The following HTT variants were observed in gnomAD, a reference collection of about 807,000 sequenced individuals.
The protein encoded by HTT is huntington disease protein.
In HTT, 104 loss-of-function variants were observed where a neutral mutation model predicts 362.3. That is an observed-to-expected ratio of 0.29 (90% CI 0.24 to 0.34). The LOEUF is 0.34. HTT is among the 10% of genes least tolerant of loss of function. The pLI, the probability that HTT is intolerant of heterozygous loss-of-function variation, is 1.00. For synonymous variants in HTT, 1,577 were observed against 1,548.7 expected (o/e 1.02, Z -0.43); for missense variants, 3,301 against 3,928.6 (o/e 0.84, Z 4.27).
Position 3,182,585 on chromosome 4 carries a change from C to T in HTT, c.4866+115C>T. 14 of 703,690 alleles carry T rather than the reference C, an allele frequency of 2.0e-5. No individual in the cohort carries two copies. In the South Asian group the frequency reaches 2.3e-4, roughly 12 times the overall value. 43.6% of individuals were successfully genotyped at this position (703,690 alleles called of 1,614,324 possible). A position where few individuals can be genotyped will look rare whatever the true frequency, so the allele number is the denominator to read the frequency against. ...TCAGTCCTAATCTGTGCCTTGATAGCAGTTCTCCGTGCTAGTCATGGGACA... is the reference window on the plus strand; with the variant it reads ...TCAGTCCTAATCTGTGCCTTGATAGTAGTTCTCCGTGCTAGTCATGGGACA... On this transcript the variant is annotated intron_variant, in intron 37 of 66. Transcript: ENST00000355072.
At chr4:3,235,833 AG>A in intron 63 of HTT, 55 bp downstream of exon 63, 1 of 1,380,664 alleles carries the variant, frequency 7.2e-7, no homozygotes, top group Non-Finnish European at 1.0e-6. Context: ...CAAGGGAGGC[AG>A]GAGCATGCTC....
chr4:3,098,082 A>G (rs1048682741), intron 2 of HTT, among the ~76,000 whole-genome samples: 10 of 152,236 alleles, frequency 6.6e-5, no homozygotes, highest in African/African-American at 2.4e-4. Context: ...TTGATGCGTC[A>G]GCTAGGAAAT....
At chr4:3,093,905 G>GTTTTTTTTTTTTTTTTTTTTTTTT (rs67455911) in intron 2 of HTT, among the ~76,000 whole-genome samples, 6 of 23,900 alleles carry the variant, frequency 2.5e-4, no homozygotes, top group African/African-American at 4.5e-4. Flanking sequence ...CTTTAAGTTG[G>GTTTTTTTTTTTTTTTTTTTTTTTT]TTTTTTTTTT....
intron 60 of HTT, among the ~76,000 whole-genome samples, chr4:3,230,464 G>A (rs1472175026): frequency 6.6e-6 from 1 of 152,196 alleles, no homozygotes; most frequent in African/African-American, 2.4e-5. Context: ...TTCCTGGCTG[G>A]ACAGCTTCTC....
In HTT at chr4:3,121,445, C is replaced by G. The variant is rs781352083; in HGVS notation, c.1273+13C>G. On this transcript the variant is annotated intron_variant, in intron 9 of 66. Transcript: ENST00000355072. ...GTGGAACTTATAGGCAAGTTATTAG[C>G]AAGGTCTACTCTTACAATTAACTTT... 6.4e-7 allele frequency: 1 copy of G among 1,572,750 alleles called. No homozygotes were observed. The highest frequency in any genetic ancestry group is 1.7e-5 in the Admixed American group (1 of 59,940).
Position 3,240,124 on chromosome 4 carries a change from T to C in HTT, c.*65T>C. 7.2e-7 allele frequency: 1 copy of C among 1,386,186 alleles called. No individual in the cohort carries two copies. Among genetic ancestry groups the C allele is most frequent in the East Asian group, 2.5e-5 (1 of 40,276 alleles). 85.9% of individuals were successfully genotyped at this position (1,386,186 alleles called of 1,614,324 possible). A position where few individuals can be genotyped will look rare whatever the true frequency, so the allele number is the denominator to read the frequency against. On this transcript the variant is annotated 3_prime_UTR_variant, in exon 67 of 67. Transcript: ENST00000355072. The stretch of plus-strand genomic sequence containing the variant: ...CGGAGCCTTTGGAAGTCTGCGCCCT[T>C]GTGCCCTGCCTCCACCGAGCCAGCT...
chr4:3,168,028 G>A (rs1284660254), intron 29 of HTT, among the ~76,000 whole-genome samples: 1 of 152,078 alleles, frequency 6.6e-6, no homozygotes, highest in East Asian at 1.9e-4. Flanking sequence ...TTTTATCCGT[G>A]GTCTTTTAGA....
At position 3,074,834 on chromosome 4, in the gene HTT, C is replaced by T. The variant is rs1357500358; in HGVS notation, c.9C>T (p.Thr3=). The T allele has an allele frequency of 1.3e-6, 2 of 1,514,820 alleles. No individual in the cohort carries two copies. The highest frequency in any genetic ancestry group is 1.4e-5 in the African/African-American group (1 of 70,596). 93.8% of individuals were successfully genotyped at this position (1,514,820 alleles called of 1,614,324 possible). The part of the protein sequence containing the change: MA[T]LEKLMKAFES... The stretch of plus-strand genomic sequence containing the variant: ...CCGGGCGGGAGACCGCCATGGCGAC[C>T]CTGGAAAAGCTGATGAAGGCCTTCG... Residue 3 remains threonine (T), a synonymous_variant, in exon 1 of 67, where the codon ACC becomes ACT. Coordinates refer to ENST00000355072, the MANE Select transcript of HTT (RefSeq NM_001388492.1).
intron 6 of HTT, among the ~76,000 whole-genome samples, chr4:3,113,485 A>G (rs768844927): frequency 6.6e-6 from 1 of 152,106 alleles, no homozygotes; most frequent in Non-Finnish European, 1.5e-5. Context: ...GCGTACCACC[A>G]TGCCTGGCTA....
At chr4:3,229,595 C>G (rs1275452729) in intron 59 of HTT, among the ~76,000 whole-genome samples, 1 of 150,828 alleles carries the variant, frequency 6.6e-6, no homozygotes, top group East Asian at 2.0e-4. Flanking sequence ...TATACACACC[C>G]CACACCACAC....
intron 2 of HTT, among the ~76,000 whole-genome samples, chr4:3,088,835 A>G (rs1713352073): frequency 6.6e-6 from 1 of 152,160 alleles, no homozygotes; most frequent in Non-Finnish European, 1.5e-5. Flanking sequence ...TTTTAGGTTA[A>G]CTCATTTCTG....
At chr4:3,086,821 G>A (rs186761989) in intron 1 of HTT, 118 bp from the exon 2 acceptor site, 42 of 617,146 alleles carry the variant, frequency 6.8e-5, no homozygotes, top group East Asian at 6.8e-4. Flanking sequence ...GCAACATGGA[G>A]TATAACGGTT....
chr4:3,212,416 G>T, intron 48 of HTT, 148 bp from the exon 49 acceptor site: 1 of 1,068,636 alleles, frequency 9.4e-7, no homozygotes. Context: ...CAAACCACGT[G>T]CAGTCCTGTG....
Position 3,199,901 on chromosome 4 carries a change from C to A in HTT, c.5538C>A (p.Thr1846=). Residue 1846 remains threonine, a synonymous_variant, in exon 41 of 67, where the codon ACC becomes ACA. Transcript: ENST00000355072. ...WCQILLLVNH[T]DYRWWAEVQQ... ...AGATACTGCTGCTTGTCAACCACAC[C>A]GACTACCGCTGGTGGGCAGAAGTGC... The A allele has an allele frequency of 6.2e-7, 1 of 1,614,068 alleles. No individual in the cohort carries two copies. Among genetic ancestry groups the A allele is most frequent in the Non-Finnish European group, 8.5e-7 (1 of 1,179,990 alleles).
intron 40 of HTT, among the ~76,000 whole-genome samples, chr4:3,197,811 T>C (rs1187659156): frequency 6.6e-6 from 1 of 152,082 alleles, no homozygotes; most frequent in African/African-American, 2.4e-5. Context: ...ACAGCTTGGA[T>C]TGTGGGTTTC....
chr4:3,147,234 C>T (rs1367725659), intron 25 of HTT, among the ~76,000 whole-genome samples: 1 of 152,182 alleles, frequency 6.6e-6, no homozygotes, highest in Non-Finnish European at 1.5e-5. Flanking sequence ...TGCCAGTACT[C>T]CCTCGGGCAC....
At chr4:3,234,703 G>T (rs1210806263) in intron 61 of HTT, among the ~76,000 whole-genome samples, 3 of 152,218 alleles carry the variant, frequency 2.0e-5, no homozygotes, top group Non-Finnish European at 4.4e-5. Context: ...GCCGTGTCAC[G>T]TGCCTCCGAG....
intron 60 of HTT, among the ~76,000 whole-genome samples, chr4:3,231,554 C>G (rs966548841): frequency 1.7e-4 from 26 of 152,178 alleles, no homozygotes; most frequent in African/African-American, 5.8e-4. Flanking sequence ...CTTGACTGCT[C>G]TTGCCTAGAC....
intron 1 of HTT, among the ~76,000 whole-genome samples, chr4:3,078,372 TA>T (rs1712677328): frequency 6.6e-6 from 1 of 152,188 alleles, no homozygotes; most frequent in Non-Finnish European, 1.5e-5. Context: ...GATAGATAAG[TA>T]AAATATACAG....
Sources: gnomAD v4.1 joint callset for allele counts (sites outside exome capture counted in the v4.1 genomes callset) on GRCh38, gnomAD v4.1.1 for gene constraint, MANE v1.5 for transcripts, NCBI Gene and HGNC (gene_info 2026-07-23, HGNC 2026-07-21) for gene names.